Variants in FYB1 observed in about 807,000 individuals in gnomAD.
FYB1 encodes the protein FYN-binding protein 1.
A neutral mutation model predicts 94.1 loss-of-function variants in FYB1; 41 were observed. The observed-to-expected ratio is 0.44, with a 90% confidence interval of 0.34 to 0.57. The LOEUF (loss-of-function observed/expected upper bound fraction) is 0.57, where lower values mean the gene tolerates loss of function less well. Ranked by LOEUF, FYB1 falls within the 20% of genes least tolerant of loss-of-function variation. The pLI is 0.02. For missense variants in FYB1, 1,050 were observed against 976.8 expected (o/e 1.07, Z -1.00); for synonymous variants, 367 against 353.2 (o/e 1.04, Z -0.44).
chr5:39,135,839 C>G (rs1007176163), intron 7 of FYB1, among the ~76,000 whole-genome samples: 7 of 151,896 alleles, frequency 4.6e-5, no homozygotes, highest in African/African-American at 1.7e-4. Context: ...TTTTTTTTAC[C>G]TATTATCTAT....
chr5:39,167,597 A>C (rs1429271650), intron 2 of FYB1, among the ~76,000 whole-genome samples: 2 of 152,202 alleles, frequency 1.3e-5, no homozygotes, highest in African/African-American at 2.4e-5. Flanking sequence ...TGTGTTAGGG[A>C]TAGTCCAGGT....
intron 1 of FYB1, among the ~76,000 whole-genome samples, chr5:39,266,548 G>C (rs545167444): frequency 1.3e-5 from 2 of 152,158 alleles, no homozygotes; most frequent in African/African-American, 4.8e-5. Flanking sequence ...GCAATAAAAC[G>C]TGAATTTCCT....
intron 2 of FYB1, among the ~76,000 whole-genome samples, chr5:39,182,619 G>A (rs746873232): frequency 2.6e-5 from 4 of 152,120 alleles, no homozygotes; most frequent in Non-Finnish European, 5.9e-5. Flanking sequence ...TCCTTGCTAG[G>A]TAGTTCATCA....
chr5:39,127,012 C>T (rs1244470363), intron 11 of FYB1, among the ~76,000 whole-genome samples: 7 of 139,054 alleles, frequency 5.0e-5, no homozygotes, highest in Admixed American at 2.3e-4. Context: ...GAGCCGAGAT[C>T]GTGCCATTGC....
chr5:39,163,262 G>A (rs1744432714), intron 2 of FYB1, among the ~76,000 whole-genome samples: 1 of 152,174 alleles, frequency 6.6e-6, no homozygotes, highest in Non-Finnish European at 1.5e-5. Context: ...ACAAAGCACT[G>A]TAATTATATT....
chr5:39,108,129 G>A, intron 18 of FYB1, 102 bp downstream of exon 18: 2 of 1,098,106 alleles, frequency 1.8e-6, no homozygotes, highest in South Asian at 1.6e-5. Flanking sequence ...TTCAAATTCT[G>A]ATCAGATTGG....
intron 1 of FYB1, among the ~76,000 whole-genome samples, chr5:39,260,232 T>C (rs1752155380): frequency 6.6e-6 from 1 of 152,196 alleles, no homozygotes; most frequent in Admixed American, 6.5e-5. Flanking sequence ...AGGCTTTAGA[T>C]CAGAGATTGG....
At chr5:39,218,223 G>A (rs1256176079) in intron 1 of FYB1, among the ~76,000 whole-genome samples, 1 of 152,192 alleles carries the variant, frequency 6.6e-6, no homozygotes, top group Non-Finnish European at 1.5e-5. Context: ...TCCACGGGGT[G>A]CCTTAAGTGC....
chr5:39,180,907 T>C (rs949378867), intron 2 of FYB1, among the ~76,000 whole-genome samples: 18 of 152,206 alleles, frequency 1.2e-4, no homozygotes, highest in African/African-American at 4.3e-4. Flanking sequence ...AGTATAAGCC[T>C]AAGAGATTAT....
intron 2 of FYB1, among the ~76,000 whole-genome samples, chr5:39,178,348 T>A (rs1745917477): frequency 6.6e-6 from 1 of 152,224 alleles, no homozygotes; most frequent in South Asian, 2.1e-4. Context: ...ATGATGAGAT[T>A]ACAGTAGCGT....
chr5:39,124,538 G>A (rs2150293032), intron 12 of FYB1, among the ~76,000 whole-genome samples: 1 of 152,148 alleles, frequency 6.6e-6, no homozygotes, highest in East Asian at 1.9e-4. Context: ...GGTTTATTTT[G>A]CCCATAGCCA....
intron 2 of FYB1, among the ~76,000 whole-genome samples, chr5:39,196,259 A>C (rs1747831085): frequency 7.3e-6 from 1 of 137,072 alleles, no homozygotes. Flanking sequence ...CCCAGGCTGG[A>C]GTGCAGTGGT....
At chr5:39,185,770 A>T (rs2150440675) in intron 2 of FYB1, among the ~76,000 whole-genome samples, 1 of 152,026 alleles carries the variant, frequency 6.6e-6, no homozygotes, top group East Asian at 1.9e-4. Context: ...GCCCAAAGAG[A>T]GCATGAGAGA....
intron 16 of FYB1, among the ~76,000 whole-genome samples, chr5:39,113,430 C>T (rs769115940): frequency 7.9e-5 from 12 of 152,142 alleles, no homozygotes; most frequent in South Asian, 2.1e-4. Flanking sequence ...CAGAACACAA[C>T]GGCTTGAAAC....
intron 1 of FYB1, among the ~76,000 whole-genome samples, chr5:39,233,021 G>T (rs3866452): frequency 0.17 from 26,372 of 151,792 alleles, 5,754 homozygotes; most frequent in African/African-American, 0.5. Context: ...AATGCCGCAA[G>T]AAACATACGT....
intron 2 of FYB1, among the ~76,000 whole-genome samples, chr5:39,184,249 A>G (rs556592502): frequency 1.3e-5 from 2 of 152,318 alleles, no homozygotes; most frequent in African/African-American, 4.8e-5. Flanking sequence ...TGATCAATGA[A>G]ATCTGAAATA....
chr5:39,246,938 G>A (rs1244546185), intron 1 of FYB1, among the ~76,000 whole-genome samples: 1 of 151,750 alleles, frequency 6.6e-6, no homozygotes, highest in African/African-American at 2.4e-5. Flanking sequence ...GAGACCTCAA[G>A]CAAGTTACTT....
intron 1 of FYB1, among the ~76,000 whole-genome samples, chr5:39,262,615 T>C (rs1752270253): frequency 6.6e-6 from 1 of 152,208 alleles, no homozygotes; most frequent in South Asian, 2.1e-4. Flanking sequence ...AAGGTTCTCA[T>C]ACCCTCTATG....
chr5:39,156,024 T>C (rs144015636), intron 2 of FYB1, among the ~76,000 whole-genome samples: 87 of 152,168 alleles, frequency 5.7e-4, no homozygotes, highest in Admixed American at 3.8e-3. Context: ...TAATAAACCG[T>C]CCAAATAGAG....
Sources: allele counts gnomAD v4.1 joint callset (sites outside exome capture counted in the v4.1 genomes callset), GRCh38; gene constraint gnomAD v4.1.1; transcripts MANE v1.5; gene names NCBI Gene and HGNC (gene_info 2026-07-23, HGNC 2026-07-21).